SLC2A9: variants seen among roughly 807,000 people sequenced by gnomAD.
SLC2A9 encodes the protein solute carrier family 2, facilitated glucose transporter member 9.
Under a neutral mutation model 50.6 loss-of-function variants are expected in SLC2A9, and 39 were observed. The ratio of observed to expected loss-of-function variants is 0.77; its 90% CI spans 0.60 to 1.01. The LOEUF (loss-of-function observed/expected upper bound fraction) is 1.01. Ranked by LOEUF, SLC2A9 falls within the 50% of genes least tolerant of loss-of-function variation. The pLI, the probability that SLC2A9 is intolerant of heterozygous loss-of-function variation, is 0.00. For missense variants in SLC2A9, 686 were observed against 677.6 expected (o/e 1.01, Z -0.14); for synonymous variants, 324 against 276.9 (o/e 1.17, Z -1.69).
intron 10 of SLC2A9, among the ~76,000 whole-genome samples, chr4:9,851,930 A>G (rs1215761805): frequency 6.6e-6 from 1 of 152,218 alleles, no homozygotes; most frequent in Admixed American, 6.5e-5. Context: ...ATGTAAAGAG[A>G]GCAAATCTAT....
At chr4:9,819,326 A>T (rs939131) in intron 3 of SLC2A9, among the ~76,000 whole-genome samples, 1 of 152,134 alleles carries the variant, frequency 6.6e-6, no homozygotes, top group African/African-American at 2.4e-5. Context: ...CACTGCTCCA[A>T]ATTCTTGCCA....
At chr4:9,955,772 T>G (rs1489715084) in intron 5 of SLC2A9, among the ~76,000 whole-genome samples, 1 of 151,900 alleles carries the variant, frequency 6.6e-6, no homozygotes, top group Non-Finnish European at 1.5e-5. Context: ...CTCTCAAAGA[T>G]TCCAGATTTG....
intron 10 of SLC2A9, among the ~76,000 whole-genome samples, chr4:9,862,089 T>C (rs1731752320): frequency 6.6e-6 from 1 of 152,162 alleles, no homozygotes; most frequent in African/African-American, 2.4e-5. Context: ...AAGAAGTAGA[T>C]GCAGGAAGGC....
intron 3 of SLC2A9, among the ~76,000 whole-genome samples, chr4:9,781,479 G>A (rs1718356793): frequency 6.6e-6 from 1 of 152,194 alleles, no homozygotes; most frequent in African/African-American, 2.4e-5. Context: ...CTGGCGCTGG[G>A]GCGCCCCTCG....
upstream of SLC2A9, among the ~76,000 whole-genome samples, chr4:10,026,406 G>T (rs1469751204): frequency 6.6e-6 from 1 of 152,108 alleles, no homozygotes; most frequent in African/African-American, 2.4e-5. Flanking sequence ...GTATAGGATT[G>T]TCTTTGCTAG....
chr4:9,974,765 T>C (rs894779587), intron 5 of SLC2A9, among the ~76,000 whole-genome samples: 6 of 152,020 alleles, frequency 3.9e-5, no homozygotes, highest in Non-Finnish European at 8.8e-5. Flanking sequence ...CTAAAATTCA[T>C]ATAAAACCAA....
chr4:9,888,962 C>T (rs1736811448), intron 9 of SLC2A9, among the ~76,000 whole-genome samples: 1 of 152,200 alleles, frequency 6.6e-6, no homozygotes, highest in Non-Finnish European at 1.5e-5. Flanking sequence ...CCCTGGGTGC[C>T]AGGCACTGGG....
chr4:9,997,145 AT>A (rs1214038103), intron 2 of SLC2A9, among the ~76,000 whole-genome samples: 4 of 151,768 alleles, frequency 2.6e-5, no homozygotes, highest in Admixed American at 2.0e-4. Context: ...TCAAATGAGC[AT>A]TTTTTTTCTT....
chr4:10,000,756 C>T (rs896886954), intron 2 of SLC2A9, among the ~76,000 whole-genome samples: 1 of 152,178 alleles, frequency 6.6e-6, no homozygotes, highest in African/African-American at 2.4e-5. Flanking sequence ...AGATCCCTTA[C>T]TAAACCAGTG....
At chr4:9,883,489 T>C (rs936622638) in intron 10 of SLC2A9, among the ~76,000 whole-genome samples, 3 of 152,206 alleles carry the variant, frequency 2.0e-5, no homozygotes, top group Non-Finnish European at 4.4e-5. Flanking sequence ...AGAGTGGTAA[T>C]CCTAATTTGC....
intron 4 of SLC2A9, among the ~76,000 whole-genome samples, chr4:9,982,125 C>T (rs1408435744): frequency 1.3e-5 from 2 of 152,268 alleles, no homozygotes; most frequent in African/African-American, 4.8e-5. Context: ...GATGATCCGC[C>T]TGCCTTGGCC....
chr4:9,876,471 G>A (rs2109571901), intron 10 of SLC2A9, among the ~76,000 whole-genome samples: 1 of 152,266 alleles, frequency 6.6e-6, no homozygotes, highest in African/African-American at 2.4e-5. Context: ...GCATGCACTT[G>A]TCCCAGCTAC....
At chr4:9,782,141 C>T in intron 3 of SLC2A9, 1 of 1,566,442 alleles carries the variant, frequency 6.4e-7, no homozygotes, top group Non-Finnish European at 8.7e-7. Context: ...GCCACTGGGG[C>T]CCTCACAGGT....
chr4:9,986,915 T>G (rs1756820972), intron 3 of SLC2A9, among the ~76,000 whole-genome samples: 1 of 152,222 alleles, frequency 6.6e-6, no homozygotes, highest in Middle Eastern at 3.2e-3. Context: ...ACTTCATTTC[T>G]CTGTGTTTTC....
chr4:9,988,794 G>A (rs183726485), intron 3 of SLC2A9, among the ~76,000 whole-genome samples: 1 of 152,340 alleles, frequency 6.6e-6, no homozygotes, highest in East Asian at 1.9e-4. Context: ...GTGATGAGGA[G>A]ATTGGAGGGC....
intron 11 of SLC2A9, among the ~76,000 whole-genome samples, chr4:9,829,143 C>A (rs1038411130): frequency 6.6e-6 from 1 of 152,154 alleles, no homozygotes; most frequent in Admixed American, 6.6e-5. Flanking sequence ...GTAGCTCACA[C>A]CTGTAATCCC....
downstream of SLC2A9, among the ~76,000 whole-genome samples, chr4:9,795,028 T>TTTTTA: frequency 6.7e-6 from 1 of 148,996 alleles, no homozygotes; most frequent in African/African-American, 2.5e-5. Flanking sequence ...TTTTTTTTTT[T>TTTTTA]TAAGACAAAG....
intron 5 of SLC2A9, among the ~76,000 whole-genome samples, chr4:9,971,064 G>C (rs1222316545): frequency 2.0e-5 from 3 of 152,130 alleles, no homozygotes; most frequent in Non-Finnish European, 4.4e-5. Flanking sequence ...CCCTAAAAAG[G>C]ACAGAAATTG....
chr4:9,932,931 C>T (rs915246665), intron 6 of SLC2A9, among the ~76,000 whole-genome samples: 1 of 152,208 alleles, frequency 6.6e-6, no homozygotes, highest in African/African-American at 2.4e-5. Flanking sequence ...GTCAAAGTTC[C>T]AGCACCATCA....
Sources: allele counts gnomAD v4.1 joint callset (sites outside exome capture counted in the v4.1 genomes callset), GRCh38; gene constraint gnomAD v4.1.1; transcripts MANE v1.5; gene names NCBI Gene and HGNC (gene_info 2026-07-23, HGNC 2026-07-21).